Variants in AFF1 observed in about 807,000 individuals in gnomAD.
The protein encoded by AFF1 is ALF transcription elongation factor 1, also known as AF4/FMR2 family member 1.
Under a neutral mutation model 121.7 loss-of-function variants are expected in AFF1, and 48 were observed. That is an observed-to-expected ratio of 0.39 (90% confidence interval 0.31 to 0.50). The LOEUF is 0.50. Ranked by LOEUF, AFF1 falls within the 20% of genes least tolerant of loss-of-function variation. The probability of loss-of-function intolerance (pLI) is 0.76; values close to 1 mark genes in which losing one functional copy is unlikely to be tolerated. For missense variants in AFF1, 1,523 were observed against 1,511.7 expected (o/e 1.01, Z -0.12); for synonymous variants, 613 against 563.0 (o/e 1.09, Z -1.26).
chr4:87,087,044 G>C (rs1412774739), intron 5 of AFF1, among the ~76,000 whole-genome samples: 1 of 152,198 alleles, frequency 6.6e-6, no homozygotes, highest in African/African-American at 2.4e-5. Flanking sequence ...AGGGCAACAT[G>C]CCCTTGGTGG....
chr4:87,113,691 T>C (rs953633155), intron 11 of AFF1, among the ~76,000 whole-genome samples: 4 of 152,220 alleles, frequency 2.6e-5, no homozygotes, highest in Non-Finnish European at 5.9e-5. Context: ...AACTTTGTCA[T>C]GTATAAATGT....
rs766304576 is a variant in AFF1 at position 87,126,152 on chromosome 4, C to T, written c.2627C>T (p.Pro876Leu). The part of the protein sequence containing the change: ...SSKKEMLPPP[P>L]VSSSSQKPAK... ...AAGAAGGAAATGCTCCCCCCGCCACCCGTGTCCTCGTCCTCCCAGAAGCCA... is the reference window on the plus strand; with the variant it reads ...AAGAAGGAAATGCTCCCCCCGCCACTCGTGTCCTCGTCCTCCCAGAAGCCA... Residue 876 changes from proline to leucine, a missense_variant, in exon 14 of 21, where the codon CCC (proline) becomes CTC (leucine). Around this residue, in one of 5 missense-constraint regions of AFF1, gnomAD observed 905 missense variants for 842.5 expected, o/e 1.07. Transcript: ENST00000395146. 1.9e-6 allele frequency: 3 copies of T among 1,614,068 alleles called. No individual in the cohort carries two copies. The highest frequency in any genetic ancestry group is 1.3e-5 in the African/African-American group (1 of 74,920).
intron 2 of AFF1, among the ~76,000 whole-genome samples, chr4:86,979,731 TAA>T (rs1451445511): frequency 1.3e-5 from 2 of 152,070 alleles, no homozygotes; most frequent in Non-Finnish European, 2.9e-5. Flanking sequence ...TGGCAAAAAA[TAA>T]AGTTTGACAA....
At chr4:87,015,809 G>A (rs1023385224) in intron 2 of AFF1, among the ~76,000 whole-genome samples, 3 of 152,168 alleles carry the variant, frequency 2.0e-5, no homozygotes, top group African/African-American at 4.8e-5. Flanking sequence ...ATAAAACTTC[G>A]TTTTCTCTCT....
intron 2 of AFF1, among the ~76,000 whole-genome samples, chr4:86,968,849 TGG>T (rs755207869): frequency 2.0e-5 from 3 of 152,032 alleles, no homozygotes; most frequent in Non-Finnish European, 4.4e-5. Context: ...TCAGCCCATG[TGG>T]GGGGTTGGTG....
intron 11 of AFF1, among the ~76,000 whole-genome samples, chr4:87,109,143 C>T (rs1054947386): frequency 4.6e-5 from 7 of 152,044 alleles, no homozygotes; most frequent in East Asian, 1.9e-4. Context: ...CAGCCCACAT[C>T]GAGAAAATTA....
At chr4:87,021,599 T>C (rs905474359) in intron 2 of AFF1, among the ~76,000 whole-genome samples, 3 of 152,214 alleles carry the variant, frequency 2.0e-5, no homozygotes, top group Non-Finnish European at 4.4e-5. Flanking sequence ...ATAGATGTAA[T>C]TTAGGCTCTT....
intron 2 of AFF1, among the ~76,000 whole-genome samples, chr4:86,988,722 C>T (rs750082648): frequency 1.3e-4 from 20 of 152,114 alleles, no homozygotes; most frequent in Non-Finnish European, 2.5e-4. Flanking sequence ...AGAAAAGAGC[C>T]TATATAACGA....
chr4:87,084,594 AAAT>A (rs1560609281), intron 5 of AFF1, among the ~76,000 whole-genome samples: 3 of 117,652 alleles, frequency 2.5e-5, no homozygotes, highest in Non-Finnish European at 6.0e-5. Flanking sequence ...ATAAATAAAT[AAAT>A]AAATAAAAAA....
chr4:86,972,582 G>A (rs1382437381), intron 2 of AFF1, among the ~76,000 whole-genome samples: 1 of 152,154 alleles, frequency 6.6e-6, no homozygotes, highest in African/African-American at 2.4e-5. Context: ...GTATTGCCCA[G>A]GCTGGAGTGC....
At chr4:87,118,916 C>T (rs1472157044) in intron 12 of AFF1, among the ~76,000 whole-genome samples, 3 of 152,190 alleles carry the variant, frequency 2.0e-5, no homozygotes, top group Non-Finnish European at 4.4e-5. Flanking sequence ...AACACTGGTT[C>T]TTCTGGGGTT....
chr4:87,015,151 C>T (rs565374877), intron 2 of AFF1, among the ~76,000 whole-genome samples: 18 of 152,262 alleles, frequency 1.2e-4, no homozygotes, highest in African/African-American at 4.3e-4. Context: ...AGCTAAAGCT[C>T]TGTCCTTTTA....
chr4:86,993,045 T>C (rs1439037708), intron 2 of AFF1, among the ~76,000 whole-genome samples: 1 of 152,238 alleles, frequency 6.6e-6, no homozygotes, highest in African/African-American at 2.4e-5. Context: ...GATTTAGTTT[T>C]AATCTTCCTG....
chr4:86,987,193 C>A (rs528391372), intron 2 of AFF1, among the ~76,000 whole-genome samples: 40 of 152,304 alleles, frequency 2.6e-4, no homozygotes, highest in African/African-American at 8.7e-4. Context: ...TTGCTGCTTT[C>A]TCTGTGCTCT....
chr4:86,953,469 T>G (rs1418051026), intron 2 of AFF1, among the ~76,000 whole-genome samples: 1 of 152,246 alleles, frequency 6.6e-6, no homozygotes, highest in African/African-American at 2.4e-5. Flanking sequence ...CTCAGGGCTA[T>G]CAAAAGTCAT....
chr4:87,093,142 G>A lies in AFF1; in HGVS notation c.1228+1313G>A, dbSNP rs111795452. Reference sequence around the variant, plus strand: ...ACTGATAAGCACTTTCTTGGCCAGGGATGGATCATCCTCTTGCCCTATGCA... The same window carrying A: ...ACTGATAAGCACTTTCTTGGCCAGGAATGGATCATCCTCTTGCCCTATGCA... On this transcript the variant is annotated intron_variant, in intron 7 of 20. Transcript: ENST00000395146. Among the ~76,000 whole-genome samples, 1,287 of 152,266 alleles carry A rather than the reference G, an allele frequency of 8.5e-3. 10 individuals are homozygous for A. The highest frequency in any genetic ancestry group is 0.029 in the African/African-American group (1,221 of 41,538).
At position 86,986,079 on chromosome 4, in the gene AFF1, T is replaced by TTAATG. The variant is rs202150306; in HGVS notation, c.38+37513_38+37517dup. On this transcript the variant is annotated intron_variant, in intron 2 of 20. Coordinates refer to ENST00000395146, the MANE Select transcript of AFF1 (RefSeq NM_001166693.3). ...TTAATTTAATTTAATTTAATTTAAT[T>TTAATG]TAATGTAATTGGAGACCGAATCTCA... Among the ~76,000 whole-genome samples the TTAATG allele has an allele frequency of 1.1e-3, 170 of 150,456 alleles. 1 individual carries two copies. Among genetic ancestry groups the TTAATG allele is most frequent in the African/African-American group, 3.9e-3 (158 of 40,566 alleles).
intron 1 of AFF1, among the ~76,000 whole-genome samples, chr4:86,943,547 CTGCT>C (rs1259136250): frequency 1.3e-5 from 2 of 152,196 alleles, no homozygotes; most frequent in Non-Finnish European, 2.9e-5. Context: ...GACTGGGGAG[CTGCT>C]TGCTCTGTTT....
chr4:87,020,944 C>T (rs956936198), intron 2 of AFF1: 3 of 705,240 alleles, frequency 4.3e-6, no homozygotes, highest in South Asian at 6.3e-5. Flanking sequence ...ATTCTGCATG[C>T]GGATTTTATT....
Sources: gnomAD v4.1 joint callset for allele counts (sites outside exome capture counted in the v4.1 genomes callset) on GRCh38, gnomAD v4.1.1 for gene constraint, gnomAD v4.1.1 regional missense constraint, MANE v1.5 for transcripts, NCBI Gene and HGNC (gene_info 2026-07-23, HGNC 2026-07-21) for gene names.